CCR3: variants seen among roughly 807,000 people sequenced by gnomAD.
The protein encoded by CCR3 is C-C motif chemokine receptor 3.
For synonymous variants in CCR3, 203 were observed against 179.2 expected (o/e 1.13, Z -1.06); for missense variants, 419 against 437.5 (o/e 0.96, Z 0.38).
In CCR3 at chr3:46,265,487, C is replaced by T. The variant is rs552199050; in HGVS notation, c.329C>T (p.Ser110Leu). The T allele has an allele frequency of 6.2e-7, 1 of 1,614,194 alleles. No homozygotes were observed. The highest frequency in any genetic ancestry group is 1.1e-5 in the South Asian group (1 of 91,082). ...GGCCATGGCATGTGTAAGCTCCTCT[C>T]AGGGTTTTATCACACAGGCTTGTAC... ...VFGHGMCKLLSGFYHTGLYSE... is the reference protein window; with the variant it reads ...VFGHGMCKLLLGFYHTGLYSE... The change falls in exon 2 of 2, where the codon TCA becomes TTA. Residue 110 changes from serine (S) to leucine (L), a missense_variant. Physicochemically the swap from Ser to Leu is moderately radical, Grantham distance 145. Coordinates refer to ENST00000395940, the MANE Select transcript of CCR3 (RefSeq NM_178329.3).
At chr3:46,226,017 C>G (rs1243785337) in intron 2 of CCR3, among the ~76,000 whole-genome samples, 1 of 152,190 alleles carries the variant, frequency 6.6e-6, no homozygotes, top group Non-Finnish European at 1.5e-5. Flanking sequence ...TCTGAGTTCT[C>G]TATTTGTTCT....
At chr3:46,231,954 C>T (rs1348382405) in intron 2 of CCR3, among the ~76,000 whole-genome samples, 3 of 152,148 alleles carry the variant, frequency 2.0e-5, no homozygotes, top group Non-Finnish European at 4.4e-5. Context: ...AAGAACTTCA[C>T]ATATTTTACT....
chr3:46,212,058 A>G (rs1277704771), intron 2 of CCR3, among the ~76,000 whole-genome samples: 2 of 152,088 alleles, frequency 1.3e-5, no homozygotes, highest in African/African-American at 4.8e-5. Flanking sequence ...ACCTGCACAC[A>G]TCATCCATGG....
intron 2 of CCR3, among the ~76,000 whole-genome samples, chr3:46,228,167 T>C (rs971835871): frequency 2.0e-5 from 3 of 151,880 alleles, no homozygotes; most frequent in African/African-American, 7.3e-5. Context: ...TGGTCTTTTT[T>C]TTTTTTCTTC....
In CCR3 at chr3:46,264,658, T is replaced by C. The variant is rs781309485; in HGVS notation, c.-11-490T>C. The C allele has an allele frequency of 5.0e-4, 259 of 515,090 alleles. 1 individual carries two copies. The highest frequency in any genetic ancestry group is 8.2e-4 in the Non-Finnish European group (242 of 296,682). 31.9% of individuals were successfully genotyped at this position (515,090 alleles called of 1,614,324 possible). A position where few individuals can be genotyped will look rare whatever the true frequency, so the allele number is the denominator to read the frequency against. On this transcript the variant is annotated intron_variant, in intron 1 of 1. Coordinates refer to ENST00000395940, the MANE Select transcript of CCR3 (RefSeq NM_178329.3). ...TGAATGGCTCATCATTATGGGGCCC[T>C]GGAGAAGCATAATTACTTGTAATTG...
intron 1 of CCR3, among the ~76,000 whole-genome samples, chr3:46,258,271 C>G (rs955286072): frequency 6.6e-6 from 1 of 152,144 alleles, no homozygotes; most frequent in African/African-American, 2.4e-5. Context: ...TACTTAATTT[C>G]CAAATAAAGA....
At position 46,265,222 on chromosome 3, in the gene CCR3, C is replaced by T; in HGVS notation, c.64C>T (p.Leu22=). 6.2e-7 allele frequency: 1 copy of T among 1,614,078 alleles called. No individual in the cohort carries two copies. Among genetic ancestry groups the T allele is most frequent in the Middle Eastern group, 1.7e-4 (1 of 6,060 alleles). ...CACATCCTACTATGATGACGTGGGCCTGCTCTGTGAAAAAGCTGATACCAG... is the reference window on the plus strand; with the variant it reads ...CACATCCTACTATGATGACGTGGGCTTGCTCTGTGAAAAAGCTGATACCAG... The part of the protein sequence containing the change: ...GTTSYYDDVG[L]LCEKADTRAL... The change falls in exon 2 of 2, where the codon CTG becomes TTG. Residue 22 remains leucine, a synonymous_variant. Transcript: ENST00000395940.
chr3:46,261,603 A>C (rs997582194), intron 1 of CCR3, among the ~76,000 whole-genome samples: 3 of 152,202 alleles, frequency 2.0e-5, no homozygotes, highest in Admixed American at 6.5e-5. Flanking sequence ...CATCAGAGCT[A>C]GGGGGCATGG....
rs41276533 is a variant in CCR3 at position 46,265,643 on chromosome 3, T to G, written c.485T>G (p.Val162Gly). The stretch of plus-strand genomic sequence containing the variant: ...AGCATCGTCACCTGGGGCCTGGCAG[T>G]GCTAGCAGCTCTTCCTGAATTTATC... The part of the protein sequence containing the change: ...ITSIVTWGLA[V>G]LAALPEFIFY... Residue 162 changes from valine to glycine, a missense_variant, in exon 2 of 2, where the codon GTG becomes GGG. Val to Gly is a moderately radical substitution (Grantham distance 109). Coordinates refer to ENST00000395940, the MANE Select transcript of CCR3 (RefSeq NM_178329.3). The G allele has an allele frequency of 6.2e-6, 10 of 1,614,156 alleles. No individual in the cohort carries two copies. The highest frequency in any genetic ancestry group is 8.5e-6 in the Non-Finnish European group (10 of 1,179,996).
chr3:46,248,215 T>C (rs1304264769), intron 1 of CCR3, among the ~76,000 whole-genome samples: 1 of 152,078 alleles, frequency 6.6e-6, no homozygotes, highest in Non-Finnish European at 1.5e-5. Flanking sequence ...GGAATGATGG[T>C]AATTGTGGGA....
At chr3:46,217,918 G>A (rs904263178) in intron 2 of CCR3, among the ~76,000 whole-genome samples, 1 of 150,368 alleles carries the variant, frequency 6.7e-6, no homozygotes, top group African/African-American at 2.4e-5. Context: ...AGAGAAACAA[G>A]AACAAATCAA....
At chr3:46,264,706 T>TA in intron 1 of CCR3, 1 of 446,438 alleles carries the variant, frequency 2.2e-6, no homozygotes, top group Non-Finnish European at 3.9e-6. Flanking sequence ...TTATTATTAT[T>TA]ATACATATTT....
At chr3:46,246,698 A>G (rs1361642323) in intron 1 of CCR3, among the ~76,000 whole-genome samples, 5 of 152,108 alleles carry the variant, frequency 3.3e-5, no homozygotes, top group Non-Finnish European at 5.9e-5. Context: ...GGGATGGGAT[A>G]GCTTGGCTTG....
intron 1 of CCR3, among the ~76,000 whole-genome samples, chr3:46,244,496 G>A (rs991843815): frequency 7.2e-5 from 11 of 152,174 alleles, no homozygotes; most frequent in African/African-American, 2.2e-4. Flanking sequence ...GGGTGGGGCC[G>A]TTTTATAGGA....
chr3:46,236,238 G>A (rs942588722), intron 2 of CCR3, among the ~76,000 whole-genome samples: 8 of 152,132 alleles, frequency 5.3e-5, no homozygotes, highest in African/African-American at 1.7e-4. Flanking sequence ...GTGTGACCTC[G>A]TGGAAAGACA....
upstream of CCR3, among the ~76,000 whole-genome samples, chr3:46,241,062 A>G (rs1700076397): frequency 6.6e-6 from 1 of 152,150 alleles, no homozygotes; most frequent in Non-Finnish European, 1.5e-5. Context: ...CAACAAGGTT[A>G]TAGACTCTTT....
At chr3:46,257,331 T>G (rs1472274351) in intron 1 of CCR3, among the ~76,000 whole-genome samples, 1 of 152,064 alleles carries the variant, frequency 6.6e-6, no homozygotes, top group Non-Finnish European at 1.5e-5. Flanking sequence ...CTGTTGCAAT[T>G]AAAGGATTGG....
chr3:46,244,458 T>C (rs570754453), intron 1 of CCR3, among the ~76,000 whole-genome samples: 1 of 152,098 alleles, frequency 6.6e-6, no homozygotes, highest in African/African-American at 2.4e-5. Context: ...GCAGGCTGAG[T>C]CCGAAAAGAG....
upstream of CCR3, among the ~76,000 whole-genome samples, chr3:46,238,755 G>GGGGT (rs1700047427): frequency 6.6e-6 from 1 of 151,958 alleles, no homozygotes; most frequent in Non-Finnish European, 1.5e-5. Context: ...AAAGTGGGGG[G>GGGGT]ACCTGAGGGA....
Sources: gnomAD v4.1 joint callset for allele counts (sites outside exome capture counted in the v4.1 genomes callset) on GRCh38, gnomAD v4.1.1 for gene constraint, MANE v1.5 for transcripts, NCBI Gene and HGNC (gene_info 2026-07-23, HGNC 2026-07-21) for gene names.